The following STK10 variants were observed in gnomAD, a reference collection of about 807,000 sequenced individuals.
The protein encoded by STK10 is serine/threonine kinase 10, also known as serine/threonine-protein kinase 10.
STK10 carries 78 observed loss-of-function variants against 113.8 expected under a neutral mutation model. The observed-to-expected ratio is 0.69, with a 90% CI of 0.57 to 0.83. The LOEUF is 0.83. Ranked by LOEUF, STK10 falls within the 40% of genes least tolerant of loss-of-function variation. The pLI, the probability that STK10 is intolerant of heterozygous loss-of-function variation, is 0.00. For synonymous variants in STK10, 465 were observed against 494.7 expected (o/e 0.94, Z 0.80); for missense variants, 1,109 against 1,280.1 (o/e 0.87, Z 2.04).
intron 3 of STK10, among the ~76,000 whole-genome samples, chr5:172,125,474 G>A (rs777993038): frequency 3.3e-5 from 5 of 151,186 alleles, no homozygotes; most frequent in South Asian, 2.1e-4. Context: ...AACCTCTACC[G>A]CCTGGGTTCA....
chr5:172,083,204 C>CCG, intron 10 of STK10, 120 bp from the exon 11 acceptor site: 1 of 1,293,028 alleles, frequency 7.7e-7, no homozygotes, highest in South Asian at 1.3e-5. Flanking sequence ...GTCTGGGGCA[C>CCG]AGGCATGACT....
intron 1 of STK10, among the ~76,000 whole-genome samples, chr5:172,182,027 CG>C (rs996290659): frequency 1.3e-4 from 20 of 151,980 alleles, no homozygotes; most frequent in African/African-American, 4.6e-4. Flanking sequence ...TTAAAAAGGC[CG>C]GCTCGGTGGC....
intron 12 of STK10, among the ~76,000 whole-genome samples, chr5:172,066,659 A>G (rs1768077529): frequency 6.6e-6 from 1 of 152,232 alleles, no homozygotes; most frequent in African/African-American, 2.4e-5. Context: ...GTGGTGGCAC[A>G]TGCCAGTTAT....
Position 172,154,569 on chromosome 5 carries a change from A to G in STK10, c.321+2055T>C, listed in dbSNP as rs116286351. Among the ~76,000 whole-genome samples, 1,338 of 152,330 alleles carry G rather than the reference A, an allele frequency of 8.8e-3. 22 individuals are homozygous for G. Among genetic ancestry groups the G allele is most frequent in the African/African-American group, 0.031 (1,277 of 41,578 alleles). ...AGGAGCTGGGGCCTTCTACAAAGTA[A>G]CAAATGTAGGCTGTCAGGGCAGCTA... is the stretch of plus-strand genomic sequence containing the variant. On this transcript the variant is annotated intron_variant, in intron 2 of 18. Coordinates refer to ENST00000176763, the MANE Select transcript of STK10 (RefSeq NM_005990.4).
At chr5:172,177,904 T>C (rs1017412410) in intron 1 of STK10, among the ~76,000 whole-genome samples, 8 of 152,308 alleles carry the variant, frequency 5.3e-5, no homozygotes, top group African/African-American at 1.9e-4. Context: ...CTCAGCTCAC[T>C]GCAACCTCTG....
chr5:172,163,959 C>A (rs1164575794), intron 1 of STK10, among the ~76,000 whole-genome samples: 1 of 152,078 alleles, frequency 6.6e-6, no homozygotes, highest in African/African-American at 2.4e-5. Flanking sequence ...CCCCTGTGAT[C>A]CCAGCACTTT....
At chr5:172,164,292 A>C (rs1205063977) in intron 1 of STK10, among the ~76,000 whole-genome samples, 1 of 151,186 alleles carries the variant, frequency 6.6e-6, no homozygotes, top group African/African-American at 2.4e-5. Context: ...CTGCTGAGCC[A>C]GCTGAGACTG....
At chr5:172,068,923 C>T (rs752196755) in intron 12 of STK10, among the ~76,000 whole-genome samples, 32 of 149,412 alleles carry the variant, frequency 2.1e-4, no homozygotes, top group Non-Finnish European at 4.1e-4. Flanking sequence ...ACAATTATAA[C>T]AAAATTGAGA....
intron 2 of STK10, among the ~76,000 whole-genome samples, chr5:172,143,292 G>T (rs1770015629): frequency 6.6e-6 from 1 of 152,146 alleles, no homozygotes; most frequent in African/African-American, 2.4e-5. Flanking sequence ...CTTGAACCGG[G>T]AGGCAGAGGC....
At position 172,097,693 on chromosome 5, in the gene STK10, C is replaced by A. The variant is rs562674199; in HGVS notation, c.871-1133G>T. 3.8e-3 allele frequency among the ~76,000 whole-genome samples: 581 copies of A among 152,244 alleles called. 7 individuals are homozygous for A. Among genetic ancestry groups the A allele is most frequent in the African/African-American group, 0.013 (552 of 41,530 alleles). On this transcript the variant is annotated intron_variant, in intron 7 of 18. Coordinates refer to ENST00000176763, the MANE Select transcript of STK10 (RefSeq NM_005990.4). ...CATCTGGGCTGTTTCCCATTTTTGG[C>A]AACTATGAATAAAGCTGCAAGAGAC...
intron 6 of STK10, 37 bp from the exon 7 acceptor site, chr5:172,105,774 G>A: frequency 3.8e-6 from 6 of 1,595,738 alleles, no homozygotes; most frequent in Non-Finnish European, 5.2e-6. Flanking sequence ...CATGGAGGAG[G>A]CAAGAGCAGA....
intron 2 of STK10, among the ~76,000 whole-genome samples, chr5:172,146,634 C>T (rs1333152500): frequency 2.6e-5 from 4 of 152,236 alleles, no homozygotes; most frequent in Non-Finnish European, 5.9e-5. Context: ...CCACACCCAG[C>T]CTGGCGCACA....
At chr5:172,111,818 C>G (rs1294886338) in intron 4 of STK10, among the ~76,000 whole-genome samples, 1 of 152,178 alleles carries the variant, frequency 6.6e-6, no homozygotes, top group Non-Finnish European at 1.5e-5. Context: ...ACAGGTTTAT[C>G]GAATGAGCAT....
At chr5:172,066,559 GGTGGAT>G (rs1315282499) in intron 12 of STK10, among the ~76,000 whole-genome samples, 1 of 152,062 alleles carries the variant, frequency 6.6e-6, no homozygotes, top group Non-Finnish European at 1.5e-5. Context: ...GGCCGAGAAA[GGTGGAT>G]CACTTGAGGT....
At chr5:172,073,488 G>A (rs145588238) in intron 12 of STK10, among the ~76,000 whole-genome samples, 31 of 151,742 alleles carry the variant, frequency 2.0e-4, no homozygotes, top group Non-Finnish European at 3.4e-4. Flanking sequence ...TTTAGAGACA[G>A]GGTTTCAGTA....
chr5:172,122,937 T>C (rs1233231654), intron 3 of STK10, among the ~76,000 whole-genome samples: 1 of 152,160 alleles, frequency 6.6e-6, no homozygotes, highest in Non-Finnish European at 1.5e-5. Flanking sequence ...CCCAAGATGT[T>C]TAATAGCCAG....
chr5:172,154,133 C>T (rs1264793089), intron 2 of STK10, among the ~76,000 whole-genome samples: 1 of 152,224 alleles, frequency 6.6e-6, no homozygotes, highest in Non-Finnish European at 1.5e-5. Flanking sequence ...GCATCAGAGT[C>T]ACTTAGATTG....
At chr5:172,079,840 G>C (rs1392703092) in intron 12 of STK10, among the ~76,000 whole-genome samples, 5 of 152,202 alleles carry the variant, frequency 3.3e-5, no homozygotes, top group African/African-American at 9.6e-5. Context: ...GGGATTACAA[G>C]TGTGAGCCAT....
At chr5:172,175,246 G>C (rs1770738106) in intron 1 of STK10, among the ~76,000 whole-genome samples, 1 of 152,082 alleles carries the variant, frequency 6.6e-6, no homozygotes, top group South Asian at 2.1e-4. Context: ...TGAACTCCTA[G>C]CCACCCGAAG....
Sources: gnomAD v4.1 joint callset for allele counts (sites outside exome capture counted in the v4.1 genomes callset) on GRCh38, gnomAD v4.1.1 for gene constraint, MANE v1.5 for transcripts, NCBI Gene and HGNC (gene_info 2026-07-23, HGNC 2026-07-21) for gene names.